DLGAP1: variants seen among roughly 807,000 people sequenced by gnomAD.
DLGAP1 encodes disks large-associated protein 1.
DLGAP1 carries 11 observed loss-of-function variants against 90.8 expected under a neutral mutation model. The ratio of observed to expected loss-of-function variants is 0.12; its 90% confidence interval spans 0.08 to 0.20. DLGAP1 has a LOEUF of 0.20. Ranked by LOEUF, DLGAP1 falls within the 10% of genes least tolerant of loss-of-function variation. The pLI is 1.00. For synonymous variants in DLGAP1, 558 were observed against 540.7 expected (o/e 1.03, Z -0.44); for missense variants, 1,050 against 1,333.8 (o/e 0.79, Z 3.31).
chr18:3,685,485 A>G (rs1019125214), intron 7 of DLGAP1, among the ~76,000 whole-genome samples: 18 of 144,362 alleles, frequency 1.2e-4, no homozygotes, highest in African/African-American at 4.4e-4. Context: ...AATGGCGTGA[A>G]CCCGGGAGGC....
intron 3 of DLGAP1, among the ~76,000 whole-genome samples, chr18:3,903,352 T>C (rs2071826347): frequency 6.6e-6 from 1 of 152,214 alleles, no homozygotes; most frequent in Non-Finnish European, 1.5e-5. Flanking sequence ...ATAAAGGATA[T>C]GCAATCGTAT....
chr18:3,923,108 T>C lies in DLGAP1; in HGVS notation c.-72-42968A>G, dbSNP rs866479582. Among the ~76,000 whole-genome samples the C allele has an allele frequency of 2.6e-4, 31 of 118,860 alleles. 1 individual carries two copies. In the South Asian group the frequency reaches 3.8e-3, roughly 15 times the overall value. The allele number at this position is 118,860 out of a possible 152,430, so 78.0% of individuals were successfully genotyped here. A position where few individuals can be genotyped will look rare whatever the true frequency, so the allele number is the denominator to read the frequency against. On this transcript the variant is annotated intron_variant, in intron 3 of 12. Transcript: ENST00000315677. Reference sequence around the variant, plus strand: ...AAGACTGTACCACTGCATTCCAGCCTGGGCGACAGAGAGAGAACCTGTCTC... The same window carrying C: ...AAGACTGTACCACTGCATTCCAGCCCGGGCGACAGAGAGAGAACCTGTCTC...
chr18:3,536,975 G>A (rs1568153402), intron 9 of DLGAP1, among the ~76,000 whole-genome samples: 1 of 152,076 alleles, frequency 6.6e-6, no homozygotes, highest in African/African-American at 2.4e-5. Flanking sequence ...AGGAAACAAT[G>A]ACGGAATATA....
intron 4 of DLGAP1, among the ~76,000 whole-genome samples, chr18:3,831,023 C>T (rs767081529): frequency 6.6e-6 from 1 of 152,210 alleles, no homozygotes; most frequent in Non-Finnish European, 1.5e-5. Context: ...GAAGAAACCT[C>T]GCAATGGTTG....
intron 2 of DLGAP1, among the ~76,000 whole-genome samples, chr18:4,026,120 G>A (rs915876412): frequency 1.3e-5 from 2 of 152,162 alleles, no homozygotes; most frequent in African/African-American, 4.8e-5. Flanking sequence ...AGGTGACCAC[G>A]GTTCTTAAGT....
chr18:4,300,568 C>T (rs1005135404), intron 1 of DLGAP1, among the ~76,000 whole-genome samples: 2 of 152,126 alleles, frequency 1.3e-5, no homozygotes, highest in African/African-American at 4.8e-5. Flanking sequence ...TACAGCCACA[C>T]TAACAGCAAT....
At chr18:4,096,909 T>G (rs2075690300) in intron 2 of DLGAP1, among the ~76,000 whole-genome samples, 1 of 152,208 alleles carries the variant, frequency 6.6e-6, no homozygotes, top group African/African-American at 2.4e-5. Context: ...GTTGTAAAGA[T>G]TACATGAATT....
rs1246372074 is a variant in DLGAP1, at chr18:4,455,011, C to T, written c.-272G>A. 1 of 151,448 alleles carries T rather than the reference C, an allele frequency of 6.6e-6. No individual in the cohort carries two copies. Among genetic ancestry groups the T allele is most frequent in the Non-Finnish European group, 1.5e-5 (1 of 67,864 alleles). The allele number at this position is 151,448 out of a possible 1,614,324, so 9.4% of individuals were successfully genotyped here. ...GCGGCGCAGCCCGGCGTTACCTGGC[C>T]GCGTCCCGCAGTCCGGCCCTCGCTG... On this transcript the variant is annotated 5_prime_UTR_variant, in exon 1 of 13. Coordinates refer to ENST00000315677, the MANE Select transcript of DLGAP1 (RefSeq NM_004746.4).
intron 1 of DLGAP1, among the ~76,000 whole-genome samples, chr18:4,191,982 G>C (rs963386031): frequency 1.3e-5 from 2 of 152,026 alleles, no homozygotes; most frequent in East Asian, 1.9e-4. Flanking sequence ...CTAACACCAA[G>C]AGAACCCTGA....
chr18:3,636,914 G>A (rs1030886015), intron 7 of DLGAP1, among the ~76,000 whole-genome samples: 5 of 150,580 alleles, frequency 3.3e-5, no homozygotes, highest in African/African-American at 9.8e-5. Context: ...CAATAGAGAC[G>A]GAGTTTCACC....
chr18:3,711,589 G>A lies in DLGAP1; in HGVS notation c.1591+17546C>T, dbSNP rs901562361. On this transcript the variant is annotated intron_variant, in intron 7 of 12. Coordinates refer to ENST00000315677, the MANE Select transcript of DLGAP1 (RefSeq NM_004746.4). This position sits in a 1 kb window ranked among gnomAD's most constrained non-coding sequence, Gnocchi z 4.0. ...TGTGGTGGCTCATGCTTCTAATGCC[G>A]GCACTTTGGGAGGCTGAGGCAGGAG... Among the ~76,000 whole-genome samples the A allele has an allele frequency of 2.0e-5, 3 of 152,078 alleles. No homozygotes were observed. Among genetic ancestry groups the A allele is most frequent in the East Asian group, 1.9e-4 (1 of 5,180 alleles).
Position 4,070,333 on chromosome 18 carries a change from T to G in DLGAP1, c.-158-65132A>C, listed in dbSNP as rs146757367. Among the ~76,000 whole-genome samples the G allele has an allele frequency of 4.7e-4, 71 of 151,976 alleles. No individual in the cohort carries two copies. In the East Asian group the frequency reaches 0.011, roughly 23 times the overall value. On this transcript the variant is annotated intron_variant, in intron 2 of 12. Transcript: ENST00000315677. ...TTTTCACAACAGCTAAATACTAGAG[T>G]TTTTTGGTACCTCCACAGAAATCTT...
At chr18:3,822,024 G>GAAA (rs34207365) in intron 4 of DLGAP1, 216 of 662,988 alleles carry the variant, frequency 3.3e-4, no homozygotes, top group African/African-American at 1.3e-3. Context: ...AGCAAAAACA[G>GAAA]AAAAAAAAAA....
chr18:4,243,301 G>A (rs1010266287), intron 1 of DLGAP1, among the ~76,000 whole-genome samples: 6 of 59,638 alleles, frequency 1.0e-4, no homozygotes, highest in Non-Finnish European at 3.4e-4. Context: ...TACTCCTTAC[G>A]TAACCGAAAC....
intron 7 of DLGAP1, among the ~76,000 whole-genome samples, chr18:3,605,890 G>A (rs1427651728): frequency 2.0e-5 from 3 of 152,084 alleles, no homozygotes; most frequent in Non-Finnish European, 2.9e-5. Context: ...AGTTTACCGA[G>A]GACACTGAGT....
At chr18:3,805,554 C>T (rs2148365087) in intron 5 of DLGAP1, among the ~76,000 whole-genome samples, 1 of 152,250 alleles carries the variant, frequency 6.6e-6, no homozygotes, top group South Asian at 2.1e-4. Flanking sequence ...AATGGTCATT[C>T]CACTGATAGA....
In DLGAP1 at chr18:3,499,367, T is replaced by G; in HGVS notation, c.2752A>C (p.Lys918Gln). 2.6e-6 allele frequency: 4 copies of G among 1,550,354 alleles called. No homozygotes were observed. Among genetic ancestry groups the G allele is most frequent in the Non-Finnish European group, 3.5e-6 (4 of 1,147,474 alleles). Reference sequence around the variant, plus strand: ...GGCGCGGGGCCCTTCGCCGGCTTCTTTGGCACTGGAGGAGGGGCCCTTCTC... The same window carrying G: ...GGCGCGGGGCCCTTCGCCGGCTTCTGTGGCACTGGAGGAGGGGCCCTTCTC... ...KERRAPPPVP[K>Q]KPAKGPAPLI... The change falls in exon 13 of 13, where the codon AAG (lysine) becomes CAG (glutamine). Residue 918 changes from lysine (K) to glutamine (Q), a missense_variant. Physicochemically the swap from Lys to Gln is moderately conservative, Grantham distance 53 (BLOSUM62 1). This residue lies in a region of DLGAP1 where 565 missense variants were observed against 879.7 expected (regional missense o/e 0.64). Coordinates refer to ENST00000315677, the MANE Select transcript of DLGAP1 (RefSeq NM_004746.4). This position sits in a 1 kb window ranked among gnomAD's most constrained non-coding sequence, Gnocchi z 6.4.
chr18:3,554,141 C>G (rs796873417), intron 9 of DLGAP1, among the ~76,000 whole-genome samples: 4 of 152,136 alleles, frequency 2.6e-5, no homozygotes, highest in African/African-American at 9.6e-5. Flanking sequence ...TAATTATCAG[C>G]CTGAAAGACA....
At chr18:4,438,217 T>G (rs555834597) in intron 1 of DLGAP1, among the ~76,000 whole-genome samples, 2 of 152,184 alleles carry the variant, frequency 1.3e-5, no homozygotes, top group South Asian at 4.1e-4. Context: ...TGACCCAGGA[T>G]CAAACATGGT....
Sources: allele counts gnomAD v4.1 joint callset (sites outside exome capture counted in the v4.1 genomes callset), GRCh38; gene constraint gnomAD v4.1.1; regional missense constraint gnomAD v4.1.1; non-coding constraint Gnocchi (gnomAD v3.1); transcripts MANE v1.5; gene names NCBI Gene and HGNC (gene_info 2026-07-23, HGNC 2026-07-21).